KHDRBS2: variants seen among roughly 807,000 people sequenced by gnomAD.
The protein encoded by KHDRBS2 is KH RNA binding domain containing, signal transduction associated 2.
KHDRBS2 carries 26 observed loss-of-function variants against 44.3 expected under a neutral mutation model. The observed-to-expected ratio is 0.59, with a 90% CI of 0.43 to 0.81. The LOEUF (loss-of-function observed/expected upper bound fraction) is 0.81, where lower values mean the gene tolerates loss of function less well. KHDRBS2 is among the 40% of genes least tolerant of loss of function. The pLI, the probability that KHDRBS2 is intolerant of heterozygous loss-of-function variation, is 0.00. For missense variants in KHDRBS2, 476 were observed against 433.1 expected, an observed-to-expected ratio of 1.10 and a Z score of -0.88; for synonymous variants, 194 against 151.1, an observed-to-expected ratio of 1.28 and a Z score of -2.08.
At chr6:61,998,314 A>G (rs1449729142) in intron 3 of KHDRBS2, among the ~76,000 whole-genome samples, 1 of 152,144 alleles carries the variant, frequency 6.6e-6, no homozygotes, top group Non-Finnish European at 1.5e-5. Context: ...ATCATACTTC[A>G]TTGACAACAT....
At chr6:61,811,202 GT>G (rs1788060615) in intron 6 of KHDRBS2, among the ~76,000 whole-genome samples, 1 of 152,082 alleles carries the variant, frequency 6.6e-6, no homozygotes, top group Non-Finnish European at 1.5e-5. Context: ...GTGAGGACAT[GT>G]GATATTTGGT....
intron 6 of KHDRBS2, among the ~76,000 whole-genome samples, chr6:61,876,696 G>A (rs908607271): frequency 4.6e-5 from 7 of 152,108 alleles, no homozygotes; most frequent in African/African-American, 1.4e-4. Flanking sequence ...AAGGACGGGA[G>A]GAGCTTGAAA....
intron 1 of KHDRBS2, among the ~76,000 whole-genome samples, chr6:62,185,555 C>T (rs184666200): frequency 6.6e-5 from 10 of 151,900 alleles, no homozygotes; most frequent in Non-Finnish European, 1.3e-4. Context: ...CAAATCAGTG[C>T]TAAATAATAT....
chr6:62,149,400 C>T (rs1284181856), intron 2 of KHDRBS2, among the ~76,000 whole-genome samples: 1 of 152,048 alleles, frequency 6.6e-6, no homozygotes, highest in East Asian at 1.9e-4. Context: ...AGGAGCCTTT[C>T]CTTATTCTGA....
chr6:61,771,763 C>G (rs1780951737), intron 6 of KHDRBS2, among the ~76,000 whole-genome samples: 1 of 152,126 alleles, frequency 6.6e-6, no homozygotes, highest in African/African-American at 2.4e-5. Flanking sequence ...CCACTGTCAA[C>G]ATTAGACAGA....
At chr6:61,908,124 G>T (rs1300035290) in intron 4 of KHDRBS2, among the ~76,000 whole-genome samples, 1 of 151,876 alleles carries the variant, frequency 6.6e-6, no homozygotes, top group Non-Finnish European at 1.5e-5. Context: ...GTTCATAAAT[G>T]GTAATGAGAT....
At chr6:61,893,551 A>G (rs1324310549) in intron 6 of KHDRBS2, among the ~76,000 whole-genome samples, 2 of 152,216 alleles carry the variant, frequency 1.3e-5, no homozygotes, top group African/African-American at 4.8e-5. Flanking sequence ...CATATACACC[A>G]TGGAATACTA....
chr6:61,962,714 C>T (rs541635358), intron 4 of KHDRBS2, among the ~76,000 whole-genome samples: 1 of 152,100 alleles, frequency 6.6e-6, no homozygotes, highest in African/African-American at 2.4e-5. Flanking sequence ...CAATTTTCAT[C>T]TTCGCTTTCT....
At chr6:62,091,467 T>C (rs1216397483) in intron 2 of KHDRBS2, among the ~76,000 whole-genome samples, 1 of 152,146 alleles carries the variant, frequency 6.6e-6, no homozygotes, top group Non-Finnish European at 1.5e-5. Flanking sequence ...TTAAGTTACT[T>C]AAATGGGGCA....
At chr6:62,229,800 C>T (rs116164322) in intron 1 of KHDRBS2, among the ~76,000 whole-genome samples, 5,549 of 152,272 alleles carry the variant, frequency 0.036, 116 homozygotes, top group Non-Finnish European at 0.057. Context: ...ACTGCTCTTC[C>T]TTTCTCTTCC....
chr6:61,545,071 C>T, the KHDRBS2 span, among the ~76,000 whole-genome samples: 1 of 151,812 alleles, frequency 6.6e-6, no homozygotes, highest in Non-Finnish European at 1.5e-5. Flanking sequence ...CCTAAAACTT[C>T]AAGTATAATA....
At chr6:61,997,073 G>A (rs1777340776) in intron 3 of KHDRBS2, among the ~76,000 whole-genome samples, 1 of 152,136 alleles carries the variant, frequency 6.6e-6, no homozygotes, top group Non-Finnish European at 1.5e-5. Flanking sequence ...GAGCCGCCAT[G>A]CCCAGCCCAT....
intron 2 of KHDRBS2, among the ~76,000 whole-genome samples, chr6:62,122,041 C>T (rs1348999387): frequency 3.3e-5 from 5 of 151,982 alleles, no homozygotes; most frequent in Admixed American, 6.6e-5. Context: ...GTTACTCCAG[C>T]CCATTTATCT....
chr6:62,113,946 G>A (rs935883733), intron 2 of KHDRBS2, among the ~76,000 whole-genome samples: 5 of 152,052 alleles, frequency 3.3e-5, no homozygotes, highest in South Asian at 2.1e-4. Flanking sequence ...TCACAGTTCC[G>A]CATGGCTGGA....
intron 3 of KHDRBS2, among the ~76,000 whole-genome samples, chr6:61,985,318 TAAAACAAATATTTC>T (rs1287959871): frequency 6.6e-6 from 1 of 152,184 alleles, no homozygotes; most frequent in African/African-American, 2.4e-5. Flanking sequence ...CTCTGTGTAT[TAAAACAAATATTTC>T]AAAACTCAAA....
Position 62,075,994 on chromosome 6 carries a change from T to C in KHDRBS2, c.220-28000A>G, listed in dbSNP as rs1796262436. ...TTTGCTGTTATGCTTTTACTCTAAT[T>C]TCTATGTGCATGTGGTATGGATGCG... On this transcript the variant is annotated intron_variant, in intron 2 of 8. Transcript: ENST00000281156. Among the ~76,000 whole-genome samples the C allele has an allele frequency of 2.0e-5, 3 of 151,936 alleles. No homozygotes were observed. In the South Asian group the frequency reaches 6.2e-4, roughly 32 times the overall value.
At chr6:61,639,807 C>G in the KHDRBS2 span, among the ~76,000 whole-genome samples, 29,508 of 151,786 alleles carry the variant, frequency 0.19, 3,351 homozygotes, top group South Asian at 0.33. Context: ...TATGATATTG[C>G]TTTAGAATTG....
chr6:62,144,408 C>T (rs1813495621), intron 2 of KHDRBS2, among the ~76,000 whole-genome samples: 1 of 151,948 alleles, frequency 6.6e-6, no homozygotes, highest in Admixed American at 6.6e-5. Context: ...CAGTTTCCCA[C>T]ATTTAGTCCT....
intron 6 of KHDRBS2, among the ~76,000 whole-genome samples, chr6:61,734,650 C>T (rs1041039339): frequency 3.3e-5 from 5 of 151,914 alleles, no homozygotes; most frequent in Non-Finnish European, 5.9e-5. Flanking sequence ...TAATTGTATC[C>T]TCTTATGACA....
Sources: allele counts gnomAD v4.1 joint callset (sites outside exome capture counted in the v4.1 genomes callset), GRCh38; gene constraint gnomAD v4.1.1; transcripts MANE v1.5; gene names NCBI Gene and HGNC (gene_info 2026-07-23, HGNC 2026-07-21).